The following DNM3 variants were observed in gnomAD, a reference collection of about 807,000 sequenced individuals.
DNM3 encodes the protein dynamin 3.
A neutral mutation model predicts 101.6 loss-of-function variants in DNM3; 47 were observed. The ratio of observed to expected loss-of-function variants is 0.46; its 90% CI spans 0.37 to 0.59. The LOEUF (loss-of-function observed/expected upper bound fraction) is 0.59, where lower values mean the gene tolerates loss of function less well. DNM3 is among the 20% of genes least tolerant of loss of function. The probability of loss-of-function intolerance (pLI) is 0.00; values close to 1 mark genes in which losing one functional copy is unlikely to be tolerated. For synonymous variants in DNM3, 385 were observed against 387.9 expected, an observed-to-expected ratio of 0.99 and a Z score of 0.09; for missense variants, 849 against 1,085.7, an observed-to-expected ratio of 0.78 and a Z score of 3.06.
At position 172,296,491 on chromosome 1, in the gene DNM3, G is replaced by A. The variant is rs544788358; in HGVS notation, c.1770-12237G>A. Among the ~76,000 whole-genome samples, 3 of 152,310 alleles carry A rather than the reference G, an allele frequency of 2.0e-5. No homozygotes were observed. In the East Asian group the frequency reaches 5.8e-4, roughly 29 times the overall value. Reference sequence around the variant, plus strand: ...GATACTCTCAAAACAACCCTCCTATGTCTAGGGCTTCATCAGTGTTTCACA... The same window carrying A: ...GATACTCTCAAAACAACCCTCCTATATCTAGGGCTTCATCAGTGTTTCACA... On this transcript the variant is annotated intron_variant, in intron 15 of 20. Coordinates refer to ENST00000627582, the MANE Select transcript of DNM3 (RefSeq NM_015569.5).
At chr1:171,843,558 A>T (rs1277462338) in intron 1 of DNM3, among the ~76,000 whole-genome samples, 1 of 152,236 alleles carries the variant, frequency 6.6e-6, no homozygotes, top group East Asian at 1.9e-4. Flanking sequence ...TAAGTATTTC[A>T]AATGAAATTA....
chr1:171,965,503 A>G lies in DNM3; in HGVS notation c.236-22153A>G, dbSNP rs538080452. On this transcript the variant is annotated intron_variant, in intron 2 of 20. Coordinates refer to ENST00000627582, the MANE Select transcript of DNM3 (RefSeq NM_015569.5). ...GAAGAGGTTGAGGCTATAGTGAGCCATGATTGTTCCACTGTAAAGCCTGGA... is the reference window on the plus strand; with the variant it reads ...GAAGAGGTTGAGGCTATAGTGAGCCGTGATTGTTCCACTGTAAAGCCTGGA... Among the ~76,000 whole-genome samples, 129 of 151,918 alleles carry G rather than the reference A, an allele frequency of 8.5e-4. 1 individual carries two copies. The highest frequency in any genetic ancestry group is 2.8e-3 in the African/African-American group (114 of 41,432).
At chr1:172,011,451 T>A (rs181415575) in intron 4 of DNM3, among the ~76,000 whole-genome samples, 1 of 152,014 alleles carries the variant, frequency 6.6e-6, no homozygotes, top group African/African-American at 2.4e-5. Context: ...TCCATCGATG[T>A]CTCCTCAATT....
At chr1:172,394,394 C>G (rs536884496) in intron 20 of DNM3, 1 of 152,336 alleles carries the variant, frequency 6.6e-6, no homozygotes, top group East Asian at 1.9e-4. Context: ...CTATCTCACT[C>G]TTCCAAACAT....
At chr1:172,134,224 A>C (rs995891983) in intron 14 of DNM3, among the ~76,000 whole-genome samples, 16 of 152,178 alleles carry the variant, frequency 1.1e-4, no homozygotes, top group Admixed American at 5.2e-4. Context: ...TTGAGTCACT[A>C]GCTTCTGTTA....
At chr1:172,279,939 C>T (rs1468387082) in intron 15 of DNM3, among the ~76,000 whole-genome samples, 6 of 152,048 alleles carry the variant, frequency 3.9e-5, no homozygotes, top group Non-Finnish European at 5.9e-5. Context: ...GCTTAAAGTC[C>T]GTGTATTTTT....
intron 14 of DNM3, among the ~76,000 whole-genome samples, chr1:172,242,931 T>G (rs996862377): frequency 6.6e-6 from 1 of 152,186 alleles, no homozygotes; most frequent in East Asian, 1.9e-4. Context: ...CAACAAATCC[T>G]CCTTTGTCTC....
chr1:172,224,163 C>T (rs41516352), intron 14 of DNM3, among the ~76,000 whole-genome samples: 25,943 of 152,076 alleles, frequency 0.17, 2,524 homozygotes, highest in East Asian at 0.27. Flanking sequence ...GCTATTCTGC[C>T]ATTAGAACTC....
chr1:171,895,509 TTTAAG>T (rs1214199640), intron 1 of DNM3, among the ~76,000 whole-genome samples: 4 of 152,016 alleles, frequency 2.6e-5, no homozygotes, highest in African/African-American at 9.7e-5. Context: ...TGTAAATTTG[TTTAAG>T]TTCTTTGTAG....
At chr1:171,993,498 C>CTTTTTTTTTTTTTTTT (rs145178902) in intron 4 of DNM3, among the ~76,000 whole-genome samples, 6 of 128,694 alleles carry the variant, frequency 4.7e-5, no homozygotes, top group African/African-American at 1.2e-4. Context: ...TTTCAAGATT[C>CTTTTTTTTTTTTTTTT]TTTTTTTTTT....
intron 20 of DNM3, among the ~76,000 whole-genome samples, chr1:172,389,559 A>C (rs1195589592): frequency 6.6e-6 from 1 of 152,214 alleles, no homozygotes; most frequent in African/African-American, 2.4e-5. Flanking sequence ...AATGAATAGA[A>C]TCAGAGATTT....
intron 14 of DNM3, among the ~76,000 whole-genome samples, chr1:172,133,788 C>G (rs1443836745): frequency 6.6e-6 from 1 of 151,962 alleles, no homozygotes; most frequent in Non-Finnish European, 1.5e-5. Flanking sequence ...GTAGAGGGAA[C>G]AGTAAGTATA....
intron 14 of DNM3, among the ~76,000 whole-genome samples, chr1:172,227,428 C>T (rs1407396157): frequency 6.6e-6 from 1 of 151,600 alleles, no homozygotes; most frequent in Admixed American, 6.6e-5. Context: ...GTAACTTCTC[C>T]TTTGGGTAGA....
At chr1:172,248,606 A>G (rs908275454) in intron 14 of DNM3, among the ~76,000 whole-genome samples, 8 of 152,134 alleles carry the variant, frequency 5.3e-5, no homozygotes, top group African/African-American at 1.9e-4. Flanking sequence ...CAAGGCCACA[A>G]GAACCTGCCT....
intron 1 of DNM3, among the ~76,000 whole-genome samples, chr1:171,918,940 T>C (rs2039935844): frequency 6.6e-6 from 1 of 152,200 alleles, no homozygotes; most frequent in Admixed American, 6.6e-5. Flanking sequence ...AGCATGAAGA[T>C]ATAAAGTGAC....
At chr1:172,082,919 A>G (rs1031435219) in intron 12 of DNM3, among the ~76,000 whole-genome samples, 3 of 152,190 alleles carry the variant, frequency 2.0e-5, no homozygotes, top group Non-Finnish European at 4.4e-5. Flanking sequence ...GCATCCAATG[A>G]CGATTACTAG....
chr1:172,344,237 C>T (rs2066828530), intron 17 of DNM3, among the ~76,000 whole-genome samples: 1 of 152,170 alleles, frequency 6.6e-6, no homozygotes, highest in Admixed American at 6.5e-5. Context: ...GGTTTAATTT[C>T]TGCTGGAATT....
At chr1:172,206,846 C>A (rs562528368) in intron 14 of DNM3, among the ~76,000 whole-genome samples, 1 of 152,106 alleles carries the variant, frequency 6.6e-6, no homozygotes, top group East Asian at 1.9e-4. Flanking sequence ...TGTATTCAGA[C>A]CTAAAGATCA....
chr1:172,274,018 C>T (rs2063183196), intron 15 of DNM3, among the ~76,000 whole-genome samples: 1 of 152,006 alleles, frequency 6.6e-6, no homozygotes, highest in Admixed American at 6.6e-5. Flanking sequence ...TGTGAAGAAT[C>T]AATATTACAT....
Sources: gnomAD v4.1 joint callset for allele counts (sites outside exome capture counted in the v4.1 genomes callset) on GRCh38, gnomAD v4.1.1 for gene constraint, MANE v1.5 for transcripts, NCBI Gene and HGNC (gene_info 2026-07-23, HGNC 2026-07-21) for gene names.